The following OSBP2 variants were observed in gnomAD, a reference collection of about 807,000 sequenced individuals.
OSBP2 encodes oxysterol-binding protein 2.
Under a neutral mutation model 96.0 loss-of-function variants are expected in OSBP2, and 66 were observed. The observed-to-expected ratio is 0.69, with a 90% CI of 0.56 to 0.84. OSBP2 has a LOEUF of 0.84. OSBP2 is among the 40% of genes least tolerant of loss of function. OSBP2 has a pLI of 0.00. For missense variants in OSBP2, 1,038 were observed against 1,222.7 expected (o/e 0.85, Z 2.25); for synonymous variants, 525 against 520.9 (o/e 1.01, Z -0.11).
rs559216106 is a variant in OSBP2, at chr22:30,796,172, TAGG to T, written c.853+54809_853+54811del. ...GAGTCTTTGAGAACTTCCTAGGATC[TAGG>T]AGGAGAGTCACACAAGGCCCTGGCT... On this transcript the variant is annotated intron_variant, in intron 2 of 13. Transcript: ENST00000332585. Among the ~76,000 whole-genome samples the T allele has an allele frequency of 6.8e-3, 1,030 of 152,262 alleles. 9 individuals carry two copies. Among genetic ancestry groups the T allele is most frequent in the African/African-American group, 0.023 (966 of 41,564 alleles).
chr22:30,844,365 C>T (rs2038824600), intron 2 of OSBP2: 1 of 152,318 alleles, frequency 6.6e-6, no homozygotes, highest in Admixed American at 6.5e-5. Context: ...ACTGTTTCAT[C>T]TACATTGAAA....
chr22:30,732,607 C>G (rs1302772749), intron 1 of OSBP2, among the ~76,000 whole-genome samples: 1 of 152,212 alleles, frequency 6.6e-6, no homozygotes, highest in African/African-American at 2.4e-5. Context: ...ACTAGATCCT[C>G]TAACCCAGCT....
intron 2 of OSBP2, among the ~76,000 whole-genome samples, chr22:30,826,129 GAC>G: frequency 6.6e-6 from 1 of 152,280 alleles, no homozygotes; most frequent in Admixed American, 6.5e-5. Flanking sequence ...TAAAGGCCAG[GAC>G]AGAGAAGGAG....
intron 2 of OSBP2, among the ~76,000 whole-genome samples, chr22:30,801,140 GA>G (rs1278822713): frequency 6.6e-6 from 1 of 152,164 alleles, no homozygotes; most frequent in Non-Finnish European, 1.5e-5. Context: ...GGGTGTTTGG[GA>G]GGTGATTGTG....
At chr22:30,822,418 C>T (rs1242152894) in intron 2 of OSBP2, 1 of 947,424 alleles carries the variant, frequency 1.1e-6, no homozygotes. Flanking sequence ...GCCGCTCAGG[C>T]TGGGCTCGGC....
chr22:30,822,504 G>A, intron 2 of OSBP2: 2 of 1,352,074 alleles, frequency 1.5e-6, no homozygotes, highest in Non-Finnish European at 9.5e-7. Context: ...GTAACGCGGC[G>A]CCGGGACCCA....
At position 30,852,507 on chromosome 22, in the gene OSBP2, A is replaced by G. The variant is rs756007393; in HGVS notation, c.854-17922A>G. Among the ~76,000 whole-genome samples, 8 of 151,934 alleles carry G rather than the reference A, an allele frequency of 5.3e-5. No homozygotes were observed. The South Asian group carries it at 1.7e-3, about 32-fold the overall frequency. ...TAATGTTCCTTCTTTCATTTCTATCATTGATAATTTGTATTTTTTTTTATT... is the reference window on the plus strand; with the variant it reads ...TAATGTTCCTTCTTTCATTTCTATCGTTGATAATTTGTATTTTTTTTTATT... On this transcript the variant is annotated intron_variant, in intron 2 of 13. Transcript: ENST00000332585.
Position 30,695,077 on chromosome 22 carries a change from C to A in OSBP2, c.168C>A (p.Pro56=). ...CGGAGCCCAAGCCCCAGCCCCAGCC[C>A]GTGCCCGAACCGGAGCGGGGACCGC... ...SGPEPKPQPQ[P]VPEPERGPLS... Residue 56 remains proline (P), a synonymous_variant, in exon 1 of 14, where the codon CCC becomes CCA. Transcript: ENST00000332585. 6.3e-7 allele frequency: 1 copy of A among 1,580,176 alleles called. No homozygotes were observed. The highest frequency in any genetic ancestry group is 8.6e-7 in the Non-Finnish European group (1 of 1,163,740).
intron 2 of OSBP2, among the ~76,000 whole-genome samples, chr22:30,818,016 C>T (rs2091101797): frequency 6.6e-6 from 1 of 152,142 alleles, no homozygotes; most frequent in African/African-American, 2.4e-5. Context: ...CCACCTCAGC[C>T]TCCCAAGTAG....
intron 2 of OSBP2, among the ~76,000 whole-genome samples, chr22:30,858,120 G>T (rs867633784): frequency 3.2e-4 from 42 of 132,836 alleles, no homozygotes; most frequent in African/African-American, 1.1e-3. Context: ...GATTCACTTT[G>T]TTTTTTTTTT....
chr22:30,704,316 C>T (rs961359261), intron 1 of OSBP2, among the ~76,000 whole-genome samples: 1 of 152,194 alleles, frequency 6.6e-6, no homozygotes, highest in African/African-American at 2.4e-5. Context: ...CAGCTGCAAG[C>T]TTCCAAGGGT....
In OSBP2 at chr22:30,794,573, CT is replaced by C. The variant is rs566692521; in HGVS notation, c.853+53211del. Among the ~76,000 whole-genome samples the C allele has an allele frequency of 5.8e-3, 878 of 151,996 alleles. 3 individuals are homozygous for C. Among genetic ancestry groups the C allele is most frequent in the Middle Eastern group, 0.02 (6 of 294 alleles). ...AGCCACCACGCCCACCCTGTACCTT[CT>C]TTTTTTAATGAAGGAGATTATAATA... is the stretch of plus-strand genomic sequence containing the variant. On this transcript the variant is annotated intron_variant, in intron 2 of 13. Transcript: ENST00000332585.
At chr22:30,875,458 G>A (rs1321767044) in intron 3 of OSBP2, among the ~76,000 whole-genome samples, 3 of 151,614 alleles carry the variant, frequency 2.0e-5, no homozygotes, top group Admixed American at 6.6e-5. Flanking sequence ...CCACAACCTC[G>A]GCCTCCCAGG....
chr22:30,794,347 C>T lies in OSBP2; in HGVS notation c.853+52978C>T, dbSNP rs136290. Among the ~76,000 whole-genome samples, 1,255 of 151,168 alleles carry T rather than the reference C, an allele frequency of 8.3e-3. 11 individuals are homozygous for T. Among genetic ancestry groups the T allele is most frequent in the African/African-American group, 0.023 (958 of 41,150 alleles). On this transcript the variant is annotated intron_variant, in intron 2 of 13. Coordinates refer to ENST00000332585, the MANE Select transcript of OSBP2 (RefSeq NM_030758.4). ...CACGATCTCGACTCATTGCAACCTC[C>T]GCCTCCCGGTGGGTTCCAGTGATTC...
At chr22:30,721,111 C>T (rs555803924) in intron 1 of OSBP2, among the ~76,000 whole-genome samples, 2 of 152,210 alleles carry the variant, frequency 1.3e-5, no homozygotes, top group African/African-American at 4.8e-5. Flanking sequence ...CCTGTAATCC[C>T]AGCTACTTGG....
intron 3 of OSBP2, among the ~76,000 whole-genome samples, chr22:30,886,344 A>G (rs2039809137): frequency 6.6e-6 from 1 of 152,248 alleles, no homozygotes; most frequent in Non-Finnish European, 1.5e-5. Flanking sequence ...CCTGGGATCA[A>G]TAGAAAGGAA....
At chr22:30,719,365 C>T (rs913491212) in intron 1 of OSBP2, among the ~76,000 whole-genome samples, 3 of 152,032 alleles carry the variant, frequency 2.0e-5, no homozygotes, top group Non-Finnish European at 4.4e-5. Flanking sequence ...CCACACACTG[C>T]AGAGATGTGC....
At chr22:30,820,422 A>C (rs2146975789) in intron 2 of OSBP2, among the ~76,000 whole-genome samples, 1 of 152,220 alleles carries the variant, frequency 6.6e-6, no homozygotes, top group African/African-American at 2.4e-5. Context: ...AATAAAATTA[A>C]AAACAAACCA....
rs1165625894 is a variant in OSBP2 at position 30,907,683 on chromosome 22, T to C, written c.*1344T>C. The C allele has an allele frequency of 6.6e-6, 1 of 152,388 alleles. No homozygotes were observed. Among genetic ancestry groups the C allele is most frequent in the East Asian group, 1.9e-4 (1 of 5,168 alleles). 9.4% of individuals were successfully genotyped at this position (152,388 alleles called of 1,614,324 possible). Reference sequence around the variant, plus strand: ...GTGTGAAATGCCTTACAATGCCCACTGGAGAGGCGGGGCGGGGTGGGGCAG... The same window carrying C: ...GTGTGAAATGCCTTACAATGCCCACCGGAGAGGCGGGGCGGGGTGGGGCAG... On this transcript the variant is annotated 3_prime_UTR_variant, in exon 14 of 14. Transcript: ENST00000332585.
Sources: allele counts gnomAD v4.1 joint callset (sites outside exome capture counted in the v4.1 genomes callset), GRCh38; gene constraint gnomAD v4.1.1; transcripts MANE v1.5; gene names NCBI Gene and HGNC (gene_info 2026-07-23, HGNC 2026-07-21).